Variants in AK6 observed in about 807,000 individuals in gnomAD.
AK6 encodes the protein adenylate kinase isoenzyme 6.
In AK6, 24 loss-of-function variants were observed where a neutral mutation model predicts 23.7. The observed-to-expected ratio is 1.01, with a 90% CI of 0.73 to 1.43. AK6 has a LOEUF of 1.43. Ranked by LOEUF, AK6 falls within the 40% of genes most tolerant of loss-of-function variation. The probability of loss-of-function intolerance (pLI) is 0.00; values close to 1 mark genes in which losing one functional copy is unlikely to be tolerated. For synonymous variants in AK6, 73 were observed against 69.8 expected (o/e 1.05, Z -0.23); for missense variants, 191 against 199.1 (o/e 0.96, Z 0.24).
At chr5:69,358,977 G>A (rs1426650295) in intron 2 of AK6, among the ~76,000 whole-genome samples, 1 of 151,692 alleles carries the variant, frequency 6.6e-6, no homozygotes, top group Non-Finnish European at 1.5e-5. Context: ...ATGGTGGTTC[G>A]CGCTTATAAT....
chr5:69,361,923 C>G (rs534942240), intron 2 of AK6, among the ~76,000 whole-genome samples: 1 of 149,874 alleles, frequency 6.7e-6, no homozygotes, highest in South Asian at 2.1e-4. Context: ...CTGGAATTTA[C>G]AGGCATGAGC....
At chr5:69,367,051 G>T (rs1285307740) in intron 1 of AK6, among the ~76,000 whole-genome samples, 2 of 151,978 alleles carry the variant, frequency 1.3e-5, no homozygotes, top group Non-Finnish European at 2.9e-5. Context: ...GAGCCACCAT[G>T]CCTGGCCATA....
chr5:69,365,094 T>C, intron 2 of AK6: 2 of 1,614,238 alleles, frequency 1.2e-6, no homozygotes, highest in African/African-American at 1.3e-5. Context: ...TAATGATGGA[T>C]TAATCAGAAC....
chr5:69,369,302 G>A (rs985105423), intron 1 of AK6, 161 bp downstream of exon 1: 17 of 283,420 alleles, frequency 6.0e-5, no homozygotes, highest in Non-Finnish European at 7.5e-5. Context: ...CTCCCGCAAC[G>A]CCCGCGAGGG....
intron 2 of AK6, among the ~76,000 whole-genome samples, chr5:69,359,990 A>T (rs1262112204): frequency 6.6e-6 from 1 of 152,246 alleles, no homozygotes; most frequent in Non-Finnish European, 1.5e-5. Context: ...TAAAGAGAAC[A>T]GCATGCATAA....
chr5:69,357,951 A>G (rs369340499), intron 2 of AK6, among the ~76,000 whole-genome samples: 141 of 152,316 alleles, frequency 9.3e-4, no homozygotes, highest in African/African-American at 3.3e-3. Flanking sequence ...ATAGTTTAAA[A>G]ATACTATGTA....
intron 2 of AK6, among the ~76,000 whole-genome samples, chr5:69,362,002 G>A (rs1341809185): frequency 8.7e-6 from 1 of 115,296 alleles, no homozygotes; most frequent in African/African-American, 3.4e-5. Flanking sequence ...CCTTGGTTTT[G>A]GGAGTGAAGA....
intron 2 of AK6, among the ~76,000 whole-genome samples, chr5:69,357,266 T>C (rs767005336): frequency 1.3e-5 from 2 of 152,206 alleles, no homozygotes; most frequent in Non-Finnish European, 2.9e-5. Flanking sequence ...TCTAGCACTC[T>C]AGTGTGGCCT....
intron 2 of AK6, chr5:69,365,751 C>A: frequency 6.6e-7 from 1 of 1,520,290 alleles, no homozygotes; most frequent in South Asian, 1.3e-5. Context: ...ATCCGATGAT[C>A]AGACTTTAGA....
At chr5:69,369,719 T>G (rs1302888362), upstream of AK6, 1 of 1,550,670 alleles carries the variant, frequency 6.4e-7, no homozygotes. Flanking sequence ...GGGTCGGTAC[T>G]TCGGGTCAGG....
intron 2 of AK6, chr5:69,365,838 T>C (rs1762398466): frequency 1.9e-6 from 2 of 1,056,456 alleles, no homozygotes; most frequent in African/African-American, 1.6e-5. Flanking sequence ...CTTAAAAAAA[T>C]TTTAAATCTA....
At chr5:69,369,712 T>C, upstream of AK6, 2 of 1,551,112 alleles carry the variant, frequency 1.3e-6, no homozygotes, top group Non-Finnish European at 1.7e-6. Flanking sequence ...ATAACTCGGG[T>C]CGGTACTTCG....
chr5:69,356,502 T>C (rs1391214525), intron 2 of AK6, among the ~76,000 whole-genome samples: 5 of 147,752 alleles, frequency 3.4e-5, no homozygotes, highest in Admixed American at 6.8e-5. Context: ...AAAAAAAAAA[T>C]TAGGCAGGCA....
Position 69,352,229 on chromosome 5 carries a change from TGTTA to T in AK6, c.347_350del (p.Leu116GlnfsTer36), listed in dbSNP as rs1454050637. 6 of 1,613,212 alleles carry T rather than the reference TGTTA, an allele frequency of 3.7e-6. No homozygotes were observed. The highest frequency in any genetic ancestry group is 4.2e-6 in the Non-Finnish European group (5 of 1,179,574). On this transcript the variant is annotated frameshift_variant, in exon 5 of 5. Coordinates refer to ENST00000380822, the MANE Select transcript of AK6 (RefSeq NM_016283.5). LOFTEE classifies it high-confidence loss of function. ...GAAAAATCTCACACTGAATATTGTC[TGTTA>T]GTTTCTTCTCATTATAACCCCTAGA...
At chr5:69,367,524 T>G (rs932060320) in intron 1 of AK6, among the ~76,000 whole-genome samples, 190 of 131,282 alleles carry the variant, frequency 1.4e-3, no homozygotes, top group African/African-American at 4.6e-3. Context: ...AAAAAAAAAA[T>G]TAGCCACCTC....
chr5:69,369,641 G>A (rs1050196522), upstream of AK6: 2 of 1,563,124 alleles, frequency 1.3e-6, no homozygotes, highest in African/African-American at 2.7e-5. Context: ...CGGCCCAGCC[G>A]CGGCCCACTG....
chr5:69,361,968 CCT>C (rs1491193508), intron 2 of AK6, among the ~76,000 whole-genome samples: 2 of 144,466 alleles, frequency 1.4e-5, no homozygotes, highest in Admixed American at 7.1e-5. Context: ...AACTTGATTC[CCT>C]TTTTTTTTTT....
At chr5:69,361,968 CCTTTT>C (rs990448708) in intron 2 of AK6, among the ~76,000 whole-genome samples, 5 of 144,386 alleles carry the variant, frequency 3.5e-5, no homozygotes, top group African/African-American at 1.3e-4. Context: ...AACTTGATTC[CCTTTT>C]TTTTTTTTTT....
At chr5:69,365,398 T>C in intron 2 of AK6, 1 of 1,614,242 alleles carries the variant, frequency 6.2e-7, no homozygotes, top group Non-Finnish European at 8.5e-7. Context: ...GGTGGCAACC[T>C]AGGACCTGAA....
Sources: allele counts gnomAD v4.1 joint callset (sites outside exome capture counted in the v4.1 genomes callset), GRCh38; gene constraint gnomAD v4.1.1; transcripts MANE v1.5; gene names NCBI Gene and HGNC (gene_info 2026-07-23, HGNC 2026-07-21).